Variants in LUZP2 observed in about 807,000 individuals in gnomAD.
LUZP2 encodes the protein leucine zipper protein 2.
A neutral mutation model predicts 51.6 loss-of-function variants in LUZP2; 52 were observed. That is an observed-to-expected ratio of 1.01 (90% CI 0.81 to 1.27). The LOEUF (loss-of-function observed/expected upper bound fraction) is 1.27, where lower values mean the gene tolerates loss of function less well. LUZP2 is among the 50% of genes most tolerant of loss of function. LUZP2 has a pLI of 0.00. For missense variants in LUZP2, 436 were observed against 395.4 expected (o/e 1.10, Z -0.87); for synonymous variants, 154 against 137.3 (o/e 1.12, Z -0.85).
chr11:24,825,310 T>A (rs574894461), intron 5 of LUZP2, among the ~76,000 whole-genome samples: 2 of 152,324 alleles, frequency 1.3e-5, no homozygotes, highest in Admixed American at 6.5e-5. Context: ...TGTCACAATA[T>A]AGCTTTCCCA....
At chr11:24,574,394 A>ATTTC (rs1554957590) in intron 1 of LUZP2, among the ~76,000 whole-genome samples, 3 of 138,824 alleles carry the variant, frequency 2.2e-5, no homozygotes, top group African/African-American at 8.3e-5. Context: ...TCTTTCTTTC[A>ATTTC]TCTCTCTCTC....
intron 1 of LUZP2, among the ~76,000 whole-genome samples, chr11:24,510,794 T>C (rs1850285101): frequency 6.6e-6 from 1 of 152,164 alleles, no homozygotes; most frequent in Non-Finnish European, 1.5e-5. Flanking sequence ...AAATTTAAAA[T>C]ATTTGTGGGC....
At chr11:24,720,865 A>G (rs1373072786) in intron 1 of LUZP2, among the ~76,000 whole-genome samples, 2 of 152,058 alleles carry the variant, frequency 1.3e-5, no homozygotes, top group African/African-American at 2.4e-5. Context: ...ACGTCCGGCT[A>G]ATTTTTTGTA....
At chr11:24,911,850 G>A (rs1365174778) in intron 6 of LUZP2, among the ~76,000 whole-genome samples, 2 of 152,170 alleles carry the variant, frequency 1.3e-5, no homozygotes, top group East Asian at 3.9e-4. Context: ...GTACTGAGGG[G>A]TCAATGTGAG....
chr11:24,939,205 G>A (rs1854675323), intron 7 of LUZP2, among the ~76,000 whole-genome samples: 1 of 152,020 alleles, frequency 6.6e-6, no homozygotes, highest in Admixed American at 6.6e-5. Context: ...ATATAGAAGT[G>A]TACGGACTTC....
chr11:24,822,562 T>A (rs1050424757), intron 5 of LUZP2, among the ~76,000 whole-genome samples: 4 of 152,174 alleles, frequency 2.6e-5, no homozygotes, highest in Non-Finnish European at 5.9e-5. Context: ...TTCTTTGTGA[T>A]GGTTATTGTT....
chr11:24,833,564 C>T (rs1035276148), intron 5 of LUZP2, among the ~76,000 whole-genome samples: 2 of 152,074 alleles, frequency 1.3e-5, no homozygotes, highest in South Asian at 4.1e-4. Flanking sequence ...CCTTGGCTGT[C>T]AATCAGAATT....
At chr11:24,661,195 A>T (rs1228197965) in intron 1 of LUZP2, among the ~76,000 whole-genome samples, 1 of 152,144 alleles carries the variant, frequency 6.6e-6, no homozygotes, top group East Asian at 1.9e-4. Flanking sequence ...CTCTAAAAAT[A>T]CAACATGTAT....
intron 7 of LUZP2, among the ~76,000 whole-genome samples, chr11:24,954,681 G>A (rs1855167073): frequency 6.6e-6 from 1 of 152,102 alleles, no homozygotes; most frequent in African/African-American, 2.4e-5. Context: ...TGCCAATACA[G>A]GAAACTAACA....
intron 10 of LUZP2, among the ~76,000 whole-genome samples, chr11:25,068,025 T>G (rs1859046391): frequency 6.6e-6 from 1 of 152,016 alleles, no homozygotes; most frequent in Non-Finnish European, 1.5e-5. Context: ...GGAACATAGA[T>G]GAAGCTGGAA....
intron 7 of LUZP2, among the ~76,000 whole-genome samples, chr11:24,921,677 C>T (rs1408453648): frequency 3.3e-5 from 5 of 151,902 alleles, no homozygotes; most frequent in African/African-American, 7.3e-5. Flanking sequence ...CTTAATAACT[C>T]CTATATTAGT....
At chr11:24,919,848 C>T (rs912170991) in intron 7 of LUZP2, among the ~76,000 whole-genome samples, 1 of 150,926 alleles carries the variant, frequency 6.6e-6, no homozygotes, top group Non-Finnish European at 1.5e-5. Flanking sequence ...GTTTACTCTC[C>T]CATCAGTACA....
chr11:24,868,194 C>G (rs1851952981), intron 5 of LUZP2, among the ~76,000 whole-genome samples: 1 of 145,894 alleles, frequency 6.9e-6, no homozygotes, highest in Non-Finnish European at 1.5e-5. Context: ...AGAGGAAGGG[C>G]TATTTCTATC....
chr11:24,971,984 G>A (rs1327471136), intron 7 of LUZP2, among the ~76,000 whole-genome samples: 1 of 151,578 alleles, frequency 6.6e-6, no homozygotes, highest in African/African-American at 2.4e-5. Flanking sequence ...TACTAAAACA[G>A]AACAAAAATT....
intron 1 of LUZP2, among the ~76,000 whole-genome samples, chr11:24,594,496 T>A (rs1384310815): frequency 6.6e-6 from 1 of 152,188 alleles, no homozygotes; most frequent in Non-Finnish European, 1.5e-5. Flanking sequence ...GGATCGATAC[T>A]TTGATGACCC....
At chr11:24,620,170 C>A (rs1245259293) in intron 1 of LUZP2, among the ~76,000 whole-genome samples, 2 of 152,106 alleles carry the variant, frequency 1.3e-5, no homozygotes, top group Non-Finnish European at 2.9e-5. Context: ...AAACAGTCAA[C>A]TGAAATAAAT....
chr11:24,573,116 G>GT (rs34509982), intron 1 of LUZP2, among the ~76,000 whole-genome samples: 87,399 of 151,102 alleles, frequency 0.58, 25,919 homozygotes, highest in East Asian at 0.8. Flanking sequence ...AAGAGAAATT[G>GT]TTTTTTCAAG....
At chr11:24,733,047 A>G (rs1340004871) in intron 3 of LUZP2, among the ~76,000 whole-genome samples, 1 of 151,800 alleles carries the variant, frequency 6.6e-6, no homozygotes, top group African/African-American at 2.4e-5. Flanking sequence ...CACACAAGAT[A>G]GCATGTGGAA....
chr11:24,828,598 A>G (rs964727603), intron 5 of LUZP2, among the ~76,000 whole-genome samples: 2 of 151,050 alleles, frequency 1.3e-5, no homozygotes, highest in African/African-American at 4.9e-5. Context: ...TATTACCCAT[A>G]TTGTTCAGTG....
Sources: gnomAD v4.1 joint callset for allele counts (sites outside exome capture counted in the v4.1 genomes callset) on GRCh38, gnomAD v4.1.1 for gene constraint, MANE v1.5 for transcripts, NCBI Gene and HGNC (gene_info 2026-07-23, HGNC 2026-07-21) for gene names.